The following HMGB1 variants were observed in gnomAD, a reference collection of about 807,000 sequenced individuals.
HMGB1 encodes the protein high mobility group box 1.
For missense variants in HMGB1, 79 were observed against 253.5 expected, an observed-to-expected ratio of 0.31 and a Z score of 4.67; for synonymous variants, 81 against 84.0, an observed-to-expected ratio of 0.96 and a Z score of 0.19.
At chr13:30,553,850 A>T (rs759917119) in intron 1 of HMGB1, 457 of 1,328,420 alleles carry the variant, frequency 3.4e-4, no homozygotes, top group Non-Finnish European at 4.7e-4. Context: ...GTCGTGTTAA[A>T]CTGCAGAATA....
chr13:30,508,367 C>G (rs934635156), intron 1 of HMGB1, among the ~76,000 whole-genome samples: 5 of 152,006 alleles, frequency 3.3e-5, no homozygotes, highest in African/African-American at 1.2e-4. Context: ...CAAAAATTAG[C>G]TGGGCGTGGG....
intron 1 of HMGB1, among the ~76,000 whole-genome samples, chr13:30,487,438 G>A (rs1453030041): frequency 1.3e-5 from 2 of 152,230 alleles, no homozygotes; most frequent in Non-Finnish European, 2.9e-5. Flanking sequence ...CCTTTCCTCA[G>A]GAAGGTTCTG....
chr13:30,487,387 CT>C (rs1887388409), intron 1 of HMGB1, among the ~76,000 whole-genome samples: 1 of 152,230 alleles, frequency 6.6e-6, no homozygotes, highest in Admixed American at 6.5e-5. Flanking sequence ...GTTGAACAGG[CT>C]TCTTTATGTG....
upstream of HMGB1, among the ~76,000 whole-genome samples, chr13:30,470,004 A>C (rs902639440): frequency 1.3e-5 from 2 of 150,500 alleles, no homozygotes; most frequent in Non-Finnish European, 3.0e-5. Flanking sequence ...TCTCAAACTC[A>C]TGGGCTCAAG....
intron 1 of HMGB1, among the ~76,000 whole-genome samples, chr13:30,574,297 C>T (rs779973260): frequency 5.3e-5 from 8 of 152,204 alleles, no homozygotes; most frequent in Non-Finnish European, 1.0e-4. Flanking sequence ...TACTATCTTT[C>T]CTCTTTATCA....
intron 1 of HMGB1, among the ~76,000 whole-genome samples, chr13:30,561,162 A>T (rs939167577): frequency 6.6e-6 from 1 of 152,162 alleles, no homozygotes; most frequent in Non-Finnish European, 1.5e-5. Flanking sequence ...TGGTAAAAAA[A>T]AGTAGGAGGA....
Position 30,480,384 on chromosome 13 carries a change from C to A in HMGB1, c.-14-16690G>T, listed in dbSNP as rs548921539. On this transcript the variant is annotated intron_variant, in intron 1 of 4. Coordinates refer to the HMGB1 transcript ENST00000405805. ...ATTCACTAAATTCAATGAATTCAGT[C>A]TAGGTTTTCCTTACATATATATTTG... Among the ~76,000 whole-genome samples the A allele has an allele frequency of 5.9e-5, 9 of 152,284 alleles. No individual in the cohort carries two copies. The East Asian group carries it at 1.7e-3, about 29-fold the overall frequency.
chr13:30,538,498 C>CTTTATTTCTTTA (rs1229120069), intron 1 of HMGB1, among the ~76,000 whole-genome samples: 1 of 15,798 alleles, frequency 6.3e-5, no homozygotes, highest in African/African-American at 1.0e-4. Flanking sequence ...TTCTTTCTTT[C>CTTTATTTCTTTA]TTTCTTTCTT....
At chr13:30,611,336 G>GT (rs542298252) in intron 1 of HMGB1, among the ~76,000 whole-genome samples, 99 of 152,172 alleles carry the variant, frequency 6.5e-4, no homozygotes, top group African/African-American at 2.0e-3. Context: ...CTAATTTTTT[G>GT]TTTTTTTAGT....
At chr13:30,523,215 T>TGAGA (rs2137476946) in intron 1 of HMGB1, among the ~76,000 whole-genome samples, 1 of 152,380 alleles carries the variant, frequency 6.6e-6, no homozygotes. Flanking sequence ...GTTTATGAAC[T>TGAGA]GAGAGAACTG....
In HMGB1 at chr13:30,459,879, A is replaced by C. The variant is rs1886200802; in HGVS notation, c.*1478T>G. 1 of 152,646 alleles carries C rather than the reference A, an allele frequency of 6.6e-6. No individual in the cohort carries two copies. The highest frequency in any genetic ancestry group is 2.4e-5 in the African/African-American group (1 of 41,470). The allele number at this position is 152,646 out of a possible 1,614,324, so 9.5% of individuals were successfully genotyped here. A position where few individuals can be genotyped will look rare whatever the true frequency, so the allele number is the denominator to read the frequency against. On this transcript the variant is annotated 3_prime_UTR_variant, in exon 5 of 5. Coordinates refer to ENST00000341423, the MANE Select transcript of HMGB1 (RefSeq NM_002128.7). Reference sequence around the variant, plus strand: ...AAACCTCTGCAATTATTAGTTTATTAGTATCATCCAGGACTCAGATGTTCA... The same window carrying C: ...AAACCTCTGCAATTATTAGTTTATTCGTATCATCCAGGACTCAGATGTTCA...
chr13:30,526,418 T>C (rs1354139295), intron 1 of HMGB1, among the ~76,000 whole-genome samples: 2 of 152,200 alleles, frequency 1.3e-5, no homozygotes, highest in East Asian at 1.9e-4. Flanking sequence ...CTCTATGAGA[T>C]TGTATTTTTT....
intron 1 of HMGB1, among the ~76,000 whole-genome samples, chr13:30,494,625 T>A (rs776505524): frequency 3.9e-5 from 6 of 152,240 alleles, no homozygotes; most frequent in Non-Finnish European, 7.3e-5. Flanking sequence ...CCTTCCAAAG[T>A]GCTGGAATTA....
At chr13:30,585,601 C>G (rs1871110289) in intron 1 of HMGB1, among the ~76,000 whole-genome samples, 1 of 151,886 alleles carries the variant, frequency 6.6e-6, no homozygotes, top group Non-Finnish European at 1.5e-5. Flanking sequence ...TCGCTTGAAC[C>G]TGGGAGGTGG....
chr13:30,471,238 G>A (rs1886919206), intron 1 of HMGB1, among the ~76,000 whole-genome samples: 1 of 152,166 alleles, frequency 6.6e-6, no homozygotes, highest in African/African-American at 2.4e-5. Context: ...CCAAAGTGCT[G>A]GAATTACAGG....
At chr13:30,521,011 T>C (rs1888225641) in intron 1 of HMGB1, among the ~76,000 whole-genome samples, 1 of 152,194 alleles carries the variant, frequency 6.6e-6, no homozygotes, top group Admixed American at 6.5e-5. Context: ...ACTAGTGCTT[T>C]TGATGTTCAT....
intron 1 of HMGB1, among the ~76,000 whole-genome samples, chr13:30,608,406 A>G (rs1950481096): frequency 6.7e-6 from 1 of 148,768 alleles, no homozygotes; most frequent in South Asian, 2.1e-4. Flanking sequence ...GCAAAGTACT[A>G]AAAAAAAAAT....
At chr13:30,574,471 A>G (rs1870563300) in intron 1 of HMGB1, among the ~76,000 whole-genome samples, 1 of 151,980 alleles carries the variant, frequency 6.6e-6, no homozygotes, top group Non-Finnish European at 1.5e-5. Context: ...TAATAGCACT[A>G]TGGCAACATA....
intron 1 of HMGB1, among the ~76,000 whole-genome samples, chr13:30,565,597 C>T (rs1239832659): frequency 6.6e-6 from 1 of 152,178 alleles, no homozygotes; most frequent in African/African-American, 2.4e-5. Flanking sequence ...ATAAGCAAAT[C>T]ACCTGGAGAT....
Sources: gnomAD v4.1 joint callset for allele counts (sites outside exome capture counted in the v4.1 genomes callset) on GRCh38, gnomAD v4.1.1 for gene constraint, MANE v1.5 for transcripts, NCBI Gene and HGNC (gene_info 2026-07-23, HGNC 2026-07-21) for gene names.